NAA16: variants seen among roughly 807,000 people sequenced by gnomAD.
NAA16 encodes the protein NARG1-like protein.
In NAA16, 97 loss-of-function variants were observed where a neutral mutation model predicts 110.3. The observed-to-expected ratio is 0.88, with a 90% CI of 0.75 to 1.04. The LOEUF (loss-of-function observed/expected upper bound fraction) is 1.04, where lower values mean the gene tolerates loss of function less well. Ranked by LOEUF, NAA16 falls within the 50% of genes least tolerant of loss-of-function variation. NAA16 has a pLI of 0.00. For missense variants in NAA16, 1,017 were observed against 1,005.1 expected, an observed-to-expected ratio of 1.01 and a Z score of -0.16; for synonymous variants, 372 against 330.6, an observed-to-expected ratio of 1.13 and a Z score of -1.36.
At chr13:41,343,973 T>C (rs1457961504) in intron 9 of NAA16, among the ~76,000 whole-genome samples, 2 of 152,260 alleles carry the variant, frequency 1.3e-5, no homozygotes, top group African/African-American at 4.8e-5. Flanking sequence ...CCCACCTCCC[T>C]GCCCCAGCAG....
intron 8 of NAA16, 85 bp from the exon 9 acceptor site, chr13:41,336,565 G>A: frequency 1.2e-6 from 1 of 814,596 alleles, no homozygotes; most frequent in Non-Finnish European, 1.9e-6. Context: ...AATTGCTTCT[G>A]AGGGAGCTTT....
intron 18 of NAA16, among the ~76,000 whole-genome samples, chr13:41,374,225 A>G (rs1011265510): frequency 2.0e-5 from 3 of 151,778 alleles, no homozygotes; most frequent in African/African-American, 4.8e-5. Context: ...TAGGAGAAAT[A>G]TAAACTGTGT....
chr13:41,361,741 C>G (rs753907248), intron 12 of NAA16, among the ~76,000 whole-genome samples: 1 of 152,124 alleles, frequency 6.6e-6, no homozygotes, highest in Non-Finnish European at 1.5e-5. Context: ...GATTTTATCA[C>G]AGTATTCAGA....
Position 41,314,644 on chromosome 13 carries a change from T to C in NAA16, c.55-2202T>C, listed in dbSNP as rs143978706. On this transcript the variant is annotated intron_variant, in intron 1 of 19. Transcript: ENST00000379406. ...GCATTTTGCTTTGAACTTAGTAGGC[T>C]GTATTTATGGAGCAGTTTCTTATTT... Among the ~76,000 whole-genome samples the C allele has an allele frequency of 1.4e-4, 22 of 152,282 alleles. No individual in the cohort carries two copies. The East Asian group carries it at 4.0e-3, about 28-fold the overall frequency.
intron 9 of NAA16, among the ~76,000 whole-genome samples, chr13:41,343,522 A>T (rs953828827): frequency 6.6e-6 from 1 of 151,596 alleles, no homozygotes; most frequent in Non-Finnish European, 1.5e-5. Context: ...GTTTCTTTTT[A>T]AAAATTTGTT....
intron 13 of NAA16, chr13:41,362,807 T>A (rs754344208): frequency 2.3e-6 from 3 of 1,289,610 alleles, no homozygotes; most frequent in African/African-American, 1.5e-5. Context: ...CAGCCCTCAG[T>A]TGTGGGGGCA....
intron 12 of NAA16, among the ~76,000 whole-genome samples, chr13:41,361,028 G>A (rs964900382): frequency 1.3e-5 from 2 of 152,178 alleles, no homozygotes; most frequent in African/African-American, 4.8e-5. Context: ...CACAAAATGT[G>A]AGGAAAAACT....
chr13:41,350,213 A>C (rs1462577798), intron 9 of NAA16, among the ~76,000 whole-genome samples: 1 of 151,794 alleles, frequency 6.6e-6, no homozygotes, highest in African/African-American at 2.4e-5. Flanking sequence ...CAGTGAACTT[A>C]GACTGCATCA....
Position 41,358,897 on chromosome 13 carries a change from G to A in NAA16, c.1345G>A (p.Ala449Thr). 6.2e-7 allele frequency: 1 copy of A among 1,612,640 alleles called. No individual in the cohort carries two copies. The highest frequency in any genetic ancestry group is 8.5e-7 in the Non-Finnish European group (1 of 1,178,986). The change falls in exon 12 of 20, where the codon GCA (alanine) becomes ACA (threonine). Residue 449 changes from alanine (A) to threonine (T), a missense_variant. Coordinates refer to ENST00000379406, the MANE Select transcript of NAA16 (RefSeq NM_024561.5). Reference protein sequence around the residue: ...TADRFINSKCAKYMLRANMIK... With the variant: ...TADRFINSKCTKYMLRANMIK... ...TGATAGATTCATCAATTCCAAATGT[G>A]CAAAATACATGCTTCGAGCAAATAT...
intron 15 of NAA16, 150 bp downstream of exon 15, chr13:41,369,433 A>T (rs965796737): frequency 5.1e-5 from 44 of 860,584 alleles, no homozygotes; most frequent in Non-Finnish European, 1.2e-5. Context: ...TTTGAGTGAC[A>T]GTATACAAAT....
intron 8 of NAA16, among the ~76,000 whole-genome samples, chr13:41,335,751 C>A (rs1275119726): frequency 6.6e-6 from 1 of 151,952 alleles, no homozygotes; most frequent in East Asian, 1.9e-4. Flanking sequence ...TAAAAATAAC[C>A]ATTTTGGGTT....
In NAA16 at chr13:41,356,214, G is replaced by C. The variant is rs544858256; in HGVS notation, c.1087+998G>C. Reference sequence around the variant, plus strand: ...GGGGGTTTGGGGGAGGTTTCTAGAGGTGGGATTTTGCCATGTTGTCCAGGC... The same window carrying C: ...GGGGGTTTGGGGGAGGTTTCTAGAGCTGGGATTTTGCCATGTTGTCCAGGC... On this transcript the variant is annotated intron_variant, in intron 10 of 19. Transcript: ENST00000379406. Among the ~76,000 whole-genome samples, 153 of 152,170 alleles carry C rather than the reference G, an allele frequency of 1.0e-3. 1 individual carries two copies. Among genetic ancestry groups the C allele is most frequent in the African/African-American group, 3.4e-3 (141 of 41,506 alleles).
chr13:41,370,629 G>T (rs1447304622), intron 15 of NAA16, among the ~76,000 whole-genome samples: 1 of 152,194 alleles, frequency 6.6e-6, no homozygotes, highest in Non-Finnish European at 1.5e-5. Context: ...TGTCTCTGAA[G>T]TGAGGAAGTA....
intron 9 of NAA16, among the ~76,000 whole-genome samples, chr13:41,347,660 A>G (rs2042721917): frequency 6.6e-6 from 1 of 152,174 alleles, no homozygotes; most frequent in Admixed American, 6.5e-5. Flanking sequence ...TTGCTAGTAT[A>G]TGGAAATACA....
chr13:41,339,446 A>C (rs2042474524), intron 9 of NAA16, among the ~76,000 whole-genome samples: 1 of 152,002 alleles, frequency 6.6e-6, no homozygotes, highest in South Asian at 2.1e-4. Flanking sequence ...GCCGAAATGT[A>C]TTTCTTAAAT....
intron 2 of NAA16, among the ~76,000 whole-genome samples, chr13:41,318,162 C>T (rs1302787653): frequency 6.6e-6 from 1 of 150,762 alleles, no homozygotes; most frequent in African/African-American, 2.4e-5. Context: ...TGTGGAACTG[C>T]TATGGTAGAT....
At position 41,355,126 on chromosome 13, in the gene NAA16, AAT is replaced by A; in HGVS notation, c.1015-15_1015-14del. On this transcript the variant is annotated splice_polypyrimidine_tract_variant and intron_variant, in intron 9 of 19. Coordinates refer to ENST00000379406, the MANE Select transcript of NAA16 (RefSeq NM_024561.5). ...CAAGAAGATATTTTTAAATTTTAAA[AAT>A]ATGTTTCTTTAACAGGTTTCTATAA... 4 of 1,474,132 alleles carry A rather than the reference AAT, an allele frequency of 2.7e-6. No homozygotes were observed. The highest frequency in any genetic ancestry group is 4.6e-5 in the East Asian group (2 of 43,768). 91.3% of individuals were successfully genotyped at this position (1,474,132 alleles called of 1,614,324 possible).
At chr13:41,312,757 G>A (rs746930951) in intron 1 of NAA16, among the ~76,000 whole-genome samples, 16 of 152,192 alleles carry the variant, frequency 1.1e-4, no homozygotes, top group African/African-American at 2.4e-4. Flanking sequence ...TTCACACTTA[G>A]TCTTCAGATT....
intron 6 of NAA16, among the ~76,000 whole-genome samples, chr13:41,327,099 AGT>A (rs1488548012): frequency 6.6e-6 from 1 of 152,054 alleles, no homozygotes; most frequent in Non-Finnish European, 1.5e-5. Flanking sequence ...TTCACTTAGT[AGT>A]GTATGTTTTT....
Sources: gnomAD v4.1 joint callset for allele counts (sites outside exome capture counted in the v4.1 genomes callset) on GRCh38, gnomAD v4.1.1 for gene constraint, MANE v1.5 for transcripts, NCBI Gene and HGNC (gene_info 2026-07-23, HGNC 2026-07-21) for gene names.